Variants in SEC16A observed in about 807,000 individuals in gnomAD.
SEC16A encodes the protein protein transport protein Sec16A.
A neutral mutation model predicts 221.9 loss-of-function variants in SEC16A; 110 were observed. The observed-to-expected ratio is 0.50, with a 90% CI of 0.42 to 0.58. The LOEUF (loss-of-function observed/expected upper bound fraction) is 0.58, where lower values mean the gene tolerates loss of function less well. Ranked by LOEUF, SEC16A falls within the 20% of genes least tolerant of loss-of-function variation. SEC16A has a pLI of 0.00. For synonymous variants in SEC16A, 1,393 were observed against 1,257.7 expected, an observed-to-expected ratio of 1.11 and a Z score of -2.28; for missense variants, 3,165 against 3,097.8, an observed-to-expected ratio of 1.02 and a Z score of -0.52.
chr9:136,482,757 G>A (rs1842560637), intron 1 of SEC16A, among the ~76,000 whole-genome samples, 181 bp downstream of exon 1: 1 of 147,790 alleles, frequency 6.8e-6, no homozygotes, highest in Non-Finnish European at 1.5e-5. Flanking sequence ...GCTCTGGCCC[G>A]GGGGCCCGGA....
rs73670287 is a variant in SEC16A at position 136,474,550 on chromosome 9, A to G, written c.3066T>C (p.Ser1022=). The change falls in exon 3 of 32, where the codon AGT becomes AGC. Residue 1022 remains serine, a synonymous_variant. Transcript: ENST00000684901. ...CAGATTGTCTGGGATGACTGGCAAC[A>G]CTTTGCTGAGAAGCGAGGCTGTCAG... The part of the protein sequence containing the change: ...SHSDSLASQQ[S]VASHPRQSGP... 6.2e-7 allele frequency: 1 copy of G among 1,612,916 alleles called. No homozygotes were observed. Among genetic ancestry groups the G allele is most frequent in the South Asian group, 1.1e-5 (1 of 91,056 alleles).
chr9:136,459,748 C>T lies in SEC16A; in HGVS notation c.5191+9G>A, dbSNP rs1365658638. On this transcript the variant is annotated intron_variant, in intron 15 of 31. Transcript: ENST00000684901. The surrounding 1 kb of genome is among the most constrained non-coding windows in gnomAD (Gnocchi z 6.1). ...CGACACCCAATGCCCATCTCCACCC[C>T]TGACCTACCCAGAGTGTCGCCCATG... The T allele has an allele frequency of 6.3e-7, 1 of 1,598,242 alleles. No individual in the cohort carries two copies. Among genetic ancestry groups the T allele is most frequent in the South Asian group, 1.1e-5 (1 of 88,700 alleles).
In SEC16A at chr9:136,466,198, A is replaced by G; in HGVS notation, c.4129-62T>C. On this transcript the variant is annotated intron_variant, in intron 7 of 31. Coordinates refer to ENST00000684901, the MANE Select transcript of SEC16A (RefSeq NM_014866.2). The surrounding 1 kb of genome is among the most constrained non-coding windows in gnomAD (Gnocchi z 5.5). ...CAGGCACAGCAGTAAAACTTTAGGT[A>G]CATTGCAAACAGGATGGTGGTTCTA... 6.4e-7 allele frequency: 1 copy of G among 1,568,488 alleles called. No homozygotes were observed. Among genetic ancestry groups the G allele is most frequent in the Non-Finnish European group, 8.7e-7 (1 of 1,154,360 alleles).
rs191374624 is a variant in SEC16A, at chr9:136,443,642, C to T, written c.7005+181G>A. On this transcript the variant is annotated intron_variant, in intron 31 of 31. Coordinates refer to ENST00000684901, the MANE Select transcript of SEC16A (RefSeq NM_014866.2). The stretch of plus-strand genomic sequence containing the variant: ...GCTGCAGTGAGCTGAGATCAGAGAT[C>T]GCACCACTGCACTCCAGCCTGGGCA... Among the ~76,000 whole-genome samples, 52 of 152,296 alleles carry T rather than the reference C, an allele frequency of 3.4e-4. No individual in the cohort carries two copies. The East Asian group carries it at 4.8e-3, about 14-fold the overall frequency.
At chr9:136,471,951 C>T (rs778529063) in intron 4 of SEC16A, 24 bp downstream of exon 4, 2 of 1,609,218 alleles carry the variant, frequency 1.2e-6, no homozygotes, top group Middle Eastern at 3.3e-4. Context: ...GACAGAGAGG[C>T]AGCCAGGGTG....
chr9:136,471,191 G>T (rs1034884223), intron 4 of SEC16A, among the ~76,000 whole-genome samples: 49 of 152,106 alleles, frequency 3.2e-4, no homozygotes, highest in African/African-American at 1.2e-3. Flanking sequence ...GGCTGGCCGG[G>T]CGCAGTGGCT....
At chr9:136,460,410 G>A (rs560153222) in intron 13 of SEC16A, among the ~76,000 whole-genome samples, 163 of 152,090 alleles carry the variant, frequency 1.1e-3, no homozygotes, top group Admixed American at 2.0e-3. Flanking sequence ...AGCTGGGATC[G>A]TGCCACTGCA....
In SEC16A at chr9:136,477,732, T is replaced by C. The variant is rs1841834567; in HGVS notation, c.-69-48A>G. 10 of 1,420,114 alleles carry C rather than the reference T, an allele frequency of 7.0e-6. No homozygotes were observed. The South Asian group carries it at 1.4e-4, about 19-fold the overall frequency. The allele number at this position is 1,420,114 out of a possible 1,614,324, so 88.0% of individuals were successfully genotyped here. A position where few individuals can be genotyped will look rare whatever the true frequency, so the allele number is the denominator to read the frequency against. ...CAGCATAAAATCCATATATTCAAAG[T>C]CCTAGCTGCAATCAGGAAAACTAAG... On this transcript the variant is annotated intron_variant, in intron 2 of 31. Coordinates refer to ENST00000684901, the MANE Select transcript of SEC16A (RefSeq NM_014866.2).
At chr9:136,455,407 C>T (rs1171924181) in intron 20 of SEC16A, among the ~76,000 whole-genome samples, 194 bp downstream of exon 20, 1 of 152,158 alleles carries the variant, frequency 6.6e-6, no homozygotes, top group Non-Finnish European at 1.5e-5. Flanking sequence ...CCTCCATGGG[C>T]TCCTCAGGGG....
intron 1 of SEC16A, among the ~76,000 whole-genome samples, chr9:136,482,522 C>CTT (rs909616995): frequency 5.3e-5 from 8 of 152,248 alleles, no homozygotes; most frequent in African/African-American, 1.9e-4. Context: ...TACAAACAAA[C>CTT]AACTCTGCTC....
intron 3 of SEC16A, 36 bp downstream of exon 3, chr9:136,474,013 C>G: frequency 6.4e-7 from 1 of 1,556,914 alleles, no homozygotes; most frequent in Non-Finnish European, 8.7e-7. Flanking sequence ...AAAGCACAGA[C>G]AGAAAAGTGG....
Position 136,447,594 on chromosome 9 carries a change from G to A in SEC16A, c.6534C>T (p.Pro2178=), listed in dbSNP as rs748268624. Residue 2178 remains proline (P), a synonymous_variant, in exon 26 of 32, where the codon CCC becomes CCT. Transcript: ENST00000684901. The surrounding 1 kb of genome is among the most constrained non-coding windows in gnomAD (Gnocchi z 5.5). ...CTGCTCTTCTAGAGTACATGTTCAC[G>A]GGGGCTCCAGGAGGCCCTGGGAGGG... ...PPALPGPPGA[P]VNMYSRRAAG... is the part of the protein sequence containing the mutation. The A allele has an allele frequency of 2.4e-5, 38 of 1,613,370 alleles. No individual in the cohort carries two copies. Among genetic ancestry groups the A allele is most frequent in the East Asian group, 1.8e-4 (8 of 44,892 alleles).
Position 136,454,418 on chromosome 9 carries a change from T to C in SEC16A, c.5858-91A>G, listed in dbSNP as rs1838316350. 2.5e-6 allele frequency: 3 copies of C among 1,222,096 alleles called. No individual in the cohort carries two copies. The African/African-American group carries it at 4.5e-5, about 18-fold the overall frequency. 75.7% of individuals were successfully genotyped at this position (1,222,096 alleles called of 1,614,324 possible). On this transcript the variant is annotated intron_variant, in intron 20 of 31. Coordinates refer to ENST00000684901, the MANE Select transcript of SEC16A (RefSeq NM_014866.2). ...TGACACTCGACGTGTTTATGACAAG[T>C]TATTTTGTACAGCCCCATTTCTTTT...
rs1231162970 is a variant in SEC16A, at chr9:136,474,089, G to A, written c.3527C>T (p.Pro1176Leu). Residue 1176 changes from proline to leucine, a missense_variant, in exon 3 of 32, where the codon CCG (proline) becomes CTG (leucine). Physicochemically the swap from Pro to Leu is moderately conservative, Grantham distance 98. This residue lies in a region of SEC16A where 2,030 missense variants were observed against 1,923.1 expected (regional missense o/e 1.06). Transcript: ENST00000684901. ...GGCTGCGCCAGGCTCCGGTGGGTAC[G>A]GCAAAGAGTACTGAGGCTGGTAGGC... Reference protein sequence around the residue: ...YDAYQPQYSLPYPPEPGAASL... With the variant: ...YDAYQPQYSLLYPPEPGAASL... The A allele has an allele frequency of 8.1e-6, 13 of 1,612,142 alleles. No individual in the cohort carries two copies. Among genetic ancestry groups the A allele is most frequent in the East Asian group, 2.2e-5 (1 of 44,880 alleles).
intron 13 of SEC16A, 128 bp downstream of exon 13, chr9:136,461,049 C>T (rs1428955356): frequency 5.6e-6 from 4 of 717,780 alleles, no homozygotes; most frequent in Middle Eastern, 3.7e-4. Flanking sequence ...CAAGGAAGCC[C>T]GAGTTCGTGT....
chr9:136,470,283 C>A (rs959093115), intron 4 of SEC16A, among the ~76,000 whole-genome samples: 6 of 152,258 alleles, frequency 3.9e-5, no homozygotes, highest in African/African-American at 1.4e-4. Context: ...CCTGTGGTGA[C>A]CTGACCCTGC....
Position 136,474,239 on chromosome 9 carries a change from G to T in SEC16A, c.3377C>A (p.Ser1126Tyr), listed in dbSNP as rs770317063. Residue 1126 changes from serine (S) to tyrosine (Y), a missense_variant, in exon 3 of 32, where the codon TCC (serine) becomes TAC (tyrosine). Ser to Tyr is a moderately radical substitution (Grantham distance 144). Around this residue, in one of 3 missense-constraint regions of SEC16A, gnomAD observed 2,030 missense variants for 1,923.1 expected, o/e 1.06. Transcript: ENST00000684901. Reference sequence around the variant, plus strand: ...CACAGCTGCCTGGCCGGAGCCACTGGACACCAGAGACACGCTAGAGGACTG... The same window carrying T: ...CACAGCTGCCTGGCCGGAGCCACTGTACACCAGAGACACGCTAGAGGACTG... ...PPQSSSVSLV[S>Y]SGSGQAAVPS... 2 of 1,609,212 alleles carry T rather than the reference G, an allele frequency of 1.2e-6. No individual in the cohort carries two copies. Among genetic ancestry groups the T allele is most frequent in the African/African-American group, 1.3e-5 (1 of 74,898 alleles).
chr9:136,445,730 AAAG>A lies in SEC16A; in HGVS notation c.6793-14_6793-12del, dbSNP rs377754921. The A allele has an allele frequency of 2.2e-4, 346 of 1,550,668 alleles. 2 individuals carry two copies. The East Asian group carries it at 5.2e-3, about 23-fold the overall frequency. ...TGCAGAGCTTAAAACCTGCCGAGGAAAAGAAGAATTGCAGCAACCAAATCCCAG... is the reference window on the plus strand; with the variant it reads ...TGCAGAGCTTAAAACCTGCCGAGGAAAAGAATTGCAGCAACCAAATCCCAG... On this transcript the variant is annotated splice_polypyrimidine_tract_variant and intron_variant, in intron 28 of 31. Transcript: ENST00000684901.
Position 136,456,170 on chromosome 9 carries a change from G to C in SEC16A, c.5551-4C>G, listed in dbSNP as rs746373354. ...AGAGTCGTAACTGGGAAGCCATCTA[G>C]ACACGGGCAAAAATCAAAGGCCCCT... On this transcript the variant is annotated splice_polypyrimidine_tract_variant and splice_region_variant and intron_variant, in intron 18 of 31. Transcript: ENST00000684901. 3 of 1,607,682 alleles carry C rather than the reference G, an allele frequency of 1.9e-6. No homozygotes were observed. In the South Asian group the frequency reaches 3.3e-5, roughly 18 times the overall value.
Sources: gnomAD v4.1 joint callset for allele counts (sites outside exome capture counted in the v4.1 genomes callset) on GRCh38, gnomAD v4.1.1 for gene constraint, gnomAD v4.1.1 regional missense constraint, Gnocchi (gnomAD v3.1) non-coding constraint, MANE v1.5 for transcripts, NCBI Gene and HGNC (gene_info 2026-07-23, HGNC 2026-07-21) for gene names.